The following GRID1 variants were observed in gnomAD, a reference collection of about 807,000 sequenced individuals.
The protein encoded by GRID1 is glutamate receptor ionotropic, delta-1.
In GRID1, 28 loss-of-function variants were observed where a neutral mutation model predicts 98.0. That is an observed-to-expected ratio of 0.29 (90% CI 0.21 to 0.39). The LOEUF (loss-of-function observed/expected upper bound fraction) is 0.39, where lower values mean the gene tolerates loss of function less well. Ranked by LOEUF, GRID1 falls within the 10% of genes least tolerant of loss-of-function variation. GRID1 has a pLI of 1.00. For missense variants in GRID1, 1,111 were observed against 1,340.5 expected, an observed-to-expected ratio of 0.83 and a Z score of 2.67; for synonymous variants, 553 against 538.5, an observed-to-expected ratio of 1.03 and a Z score of -0.37.
chr10:85,812,633 G>A (rs1351153745), intron 8 of GRID1, among the ~76,000 whole-genome samples: 1 of 151,790 alleles, frequency 6.6e-6, no homozygotes, highest in Admixed American at 6.6e-5. Flanking sequence ...ATAATTTCTG[G>A]AAAAAAATGC....
chr10:85,782,210 A>G (rs1400327956), intron 8 of GRID1, among the ~76,000 whole-genome samples: 1 of 152,160 alleles, frequency 6.6e-6, no homozygotes, highest in African/African-American at 2.4e-5. Flanking sequence ...CCCTCAGACA[A>G]GAAATGTGAG....
intron 12 of GRID1, among the ~76,000 whole-genome samples, chr10:85,660,705 C>G (rs1054738135): frequency 7.2e-5 from 11 of 152,040 alleles, no homozygotes; most frequent in Non-Finnish European, 1.2e-4. Context: ...GGAAGCAACA[C>G]AGTGCAGTTC....
At chr10:85,681,250 C>G (rs1841205222) in intron 12 of GRID1, among the ~76,000 whole-genome samples, 1 of 152,018 alleles carries the variant, frequency 6.6e-6, no homozygotes. Context: ...TAATCTAAAC[C>G]CAGGAAAAGA....
intron 5 of GRID1, among the ~76,000 whole-genome samples, chr10:85,869,921 C>A (rs1843260627): frequency 6.6e-6 from 1 of 152,168 alleles, no homozygotes; most frequent in Admixed American, 6.5e-5. Flanking sequence ...CACTGTGGAG[C>A]ATAGAAATAG....
At chr10:85,833,962 T>C (rs1452941570) in intron 8 of GRID1, among the ~76,000 whole-genome samples, 1 of 152,014 alleles carries the variant, frequency 6.6e-6, no homozygotes, top group Non-Finnish European at 1.5e-5. Flanking sequence ...GATAAAGAAA[T>C]GAACAGAGCC....
At chr10:86,278,709 A>C (rs542834319) in intron 2 of GRID1, among the ~76,000 whole-genome samples, 3 of 152,180 alleles carry the variant, frequency 2.0e-5, no homozygotes, top group African/African-American at 7.2e-5. Context: ...CAAACTACTA[A>C]TGCTCACTCA....
At chr10:86,136,846 T>A (rs1238141477) in intron 4 of GRID1, among the ~76,000 whole-genome samples, 9 of 152,348 alleles carry the variant, frequency 5.9e-5, no homozygotes, top group Non-Finnish European at 1.2e-4. Flanking sequence ...AGAAATGACC[T>A]ATTGGATACT....
At chr10:85,748,263 T>C (rs1489206761) in intron 8 of GRID1, among the ~76,000 whole-genome samples, 2 of 152,124 alleles carry the variant, frequency 1.3e-5, no homozygotes, top group African/African-American at 4.8e-5. Flanking sequence ...TGAGAAGCAG[T>C]ACAGTATAGT....
At chr10:86,356,777 C>T (rs1848539035) in intron 2 of GRID1, among the ~76,000 whole-genome samples, 1 of 152,082 alleles carries the variant, frequency 6.6e-6, no homozygotes, top group African/African-American at 2.4e-5. Context: ...CCATGGGTAA[C>T]CAAGTGTAAA....
intron 9 of GRID1, among the ~76,000 whole-genome samples, chr10:85,728,270 A>G (rs1308721338): frequency 1.3e-5 from 2 of 152,170 alleles, no homozygotes; most frequent in African/African-American, 4.8e-5. Flanking sequence ...CATACAGAGG[A>G]GTGGAGATTC....
At chr10:86,093,179 C>T (rs986314587) in intron 4 of GRID1, among the ~76,000 whole-genome samples, 1 of 152,096 alleles carries the variant, frequency 6.6e-6, no homozygotes, top group Non-Finnish European at 1.5e-5. Flanking sequence ...ATTCTTCAAA[C>T]TGAATGACAA....
At position 86,193,331 on chromosome 10, in the gene GRID1, T is replaced by G. The variant is rs571890604; in HGVS notation, c.520+13033A>C. 2.3e-3 allele frequency among the ~76,000 whole-genome samples: 351 copies of G among 152,062 alleles called. 1 individual carries two copies. The highest frequency in any genetic ancestry group is 0.01 in the Middle Eastern group (3 of 294). On this transcript the variant is annotated intron_variant, in intron 3 of 15. Transcript: ENST00000327946. ...CTGTGGTTGTGTGCCTGGCACAGAG[T>G]AACTACACAGTGAATGTTTGATTCC...
chr10:85,921,494 C>T (rs1475406704), intron 4 of GRID1, among the ~76,000 whole-genome samples: 1 of 152,218 alleles, frequency 6.6e-6, no homozygotes, highest in African/African-American at 2.4e-5. Flanking sequence ...CCACTGAGGG[C>T]CAGAGGACAT....
chr10:86,049,588 G>GA (rs983844992), intron 4 of GRID1, among the ~76,000 whole-genome samples: 1 of 152,134 alleles, frequency 6.6e-6, no homozygotes, highest in Non-Finnish European at 1.5e-5. Flanking sequence ...CTGGCACTGA[G>GA]AAAATCCAGC....
At chr10:85,940,066 CAAAAAAA>C (rs34122685) in intron 4 of GRID1, among the ~76,000 whole-genome samples, 28 of 99,394 alleles carry the variant, frequency 2.8e-4, no homozygotes, top group African/African-American at 6.6e-4. Context: ...GACTCCCTCT[CAAAAAAA>C]AAAAAAAAAA....
intron 5 of GRID1, among the ~76,000 whole-genome samples, chr10:85,884,523 A>T (rs975572924): frequency 1.3e-5 from 2 of 152,196 alleles, no homozygotes; most frequent in Non-Finnish European, 2.9e-5. Flanking sequence ...TCTGAATTGT[A>T]TTCTTGAATC....
chr10:86,330,983 C>T (rs565988951), intron 2 of GRID1, among the ~76,000 whole-genome samples: 4 of 152,256 alleles, frequency 2.6e-5, no homozygotes, highest in African/African-American at 9.6e-5. Context: ...AAGGAAGGAA[C>T]AGGAAGGGCA....
chr10:85,866,115 A>AT (rs1421694984), intron 6 of GRID1, among the ~76,000 whole-genome samples: 2 of 150,612 alleles, frequency 1.3e-5, no homozygotes, highest in Admixed American at 1.3e-4. Context: ...AAAGAACTAC[A>AT]TGAGCCTAAA....
At chr10:86,295,168 C>T (rs908021835) in intron 2 of GRID1, among the ~76,000 whole-genome samples, 4 of 152,044 alleles carry the variant, frequency 2.6e-5, no homozygotes, top group African/African-American at 4.8e-5. Context: ...GGTGGGGGAG[C>T]GGCAGAGGAG....
Sources: allele counts gnomAD v4.1 joint callset (sites outside exome capture counted in the v4.1 genomes callset), GRCh38; gene constraint gnomAD v4.1.1; transcripts MANE v1.5; gene names NCBI Gene and HGNC (gene_info 2026-07-23, HGNC 2026-07-21).